The following SGSM1 variants were observed in gnomAD, a reference collection of about 807,000 sequenced individuals.
SGSM1 encodes small G protein signaling modulator 1, also known as RUN and TBC1 domain containing 2.
Under a neutral mutation model 133.8 loss-of-function variants are expected in SGSM1, and 73 were observed. That is an observed-to-expected ratio of 0.55 (90% CI 0.45 to 0.66). The LOEUF is 0.66. Ranked by LOEUF, SGSM1 falls within the 30% of genes least tolerant of loss-of-function variation. SGSM1 has a pLI of 0.00. For missense variants in SGSM1, 1,213 were observed against 1,448.1 expected (o/e 0.84, Z 2.64); for synonymous variants, 563 against 573.0 (o/e 0.98, Z 0.25).
chr22:24,884,033 T>TTCCC lies in SGSM1; in HGVS notation c.1496-9_1496-6dup, dbSNP rs770741165. ...GCTTCAGGTGGTGGATGATGACACTTTCCCTCCCTCCCTCAACAGGGCTGG... is the reference window on the plus strand; with the variant it reads ...GCTTCAGGTGGTGGATGATGACACTTTCCCTCCCTCCCTCCCTCAACAGGGCTGG... On this transcript the variant is annotated intron_variant, in intron 14 of 24. Transcript: ENST00000400358. The TTCCC allele has an allele frequency of 7.6e-6, 12 of 1,586,162 alleles. No homozygotes were observed. The African/African-American group carries it at 9.4e-5, about 12-fold the overall frequency.
chr22:24,816,417 C>CTTTTTTTTT (rs3062145), intron 2 of SGSM1, among the ~76,000 whole-genome samples: 23 of 130,096 alleles, frequency 1.8e-4, no homozygotes, highest in East Asian at 2.3e-4. Context: ...TTTTTTCTTT[C>CTTTTTTTTT]TTTTTTTTTT....
chr22:24,886,549 C>T (rs1204296163), intron 15 of SGSM1, 51 bp from the exon 16 acceptor site: 1 of 1,539,540 alleles, frequency 6.5e-7, no homozygotes, highest in Non-Finnish European at 8.8e-7. Flanking sequence ...ACTAAAACCA[C>T]CCCCTGGTTT....
At position 24,876,732 on chromosome 22, in the gene SGSM1, C is replaced by CTGCA; in HGVS notation, c.1430+18_1430+21dup. The CTGCA allele has an allele frequency of 6.2e-7, 1 of 1,613,844 alleles. No homozygotes were observed. Among genetic ancestry groups the CTGCA allele is most frequent in the Non-Finnish European group, 8.5e-7 (1 of 1,179,846 alleles). The stretch of plus-strand genomic sequence containing the variant: ...CCATGAGAGGTATGAGGGGCTTGAG[C>CTGCA]TGCAGATGGAGAGAGCTGAAGGATG... On this transcript the variant is annotated intron_variant, in intron 13 of 24. Transcript: ENST00000400358.
At chr22:24,921,172 T>G (rs948838205) in intron 24 of SGSM1, among the ~76,000 whole-genome samples, 4 of 152,038 alleles carry the variant, frequency 2.6e-5, no homozygotes, top group Non-Finnish European at 2.9e-5. Flanking sequence ...CGATCTCAGC[T>G]CACTGCAACC....
chr22:24,874,488 G>C (rs9624633), intron 12 of SGSM1: 188,857 of 1,613,164 alleles, frequency 0.12, 12,228 homozygotes, highest in South Asian at 0.24. Flanking sequence ...CTGCAGGCCG[G>C]TCCATGCTGG....
chr22:24,904,966 C>T (rs557196287), intron 20 of SGSM1, 139 bp from the exon 21 acceptor site: 42 of 735,012 alleles, frequency 5.7e-5, no homozygotes, highest in South Asian at 2.6e-4. Flanking sequence ...AGAGAGAGAT[C>T]GGGGATGGAG....
intron 14 of SGSM1, among the ~76,000 whole-genome samples, chr22:24,883,781 A>C (rs1233423634): frequency 1.3e-5 from 2 of 151,994 alleles, no homozygotes; most frequent in Non-Finnish European, 2.9e-5. Flanking sequence ...AGATGGTGAA[A>C]CCTCGTCTCT....
chr22:24,891,168 G>T, intron 16 of SGSM1, among the ~76,000 whole-genome samples: 1 of 152,148 alleles, frequency 6.6e-6, no homozygotes, highest in East Asian at 1.9e-4. Context: ...AGACCAGCCT[G>T]AGCAACATAG....
chr22:24,917,572 G>A (rs1017416860), intron 22 of SGSM1, 86 bp from the exon 23 acceptor site: 62 of 886,154 alleles, frequency 7.0e-5, no homozygotes, highest in Non-Finnish European at 1.1e-4. Context: ...GGTGTCTGGT[G>A]TGTGGATGTA....
At chr22:24,823,629 AT>A (rs1928617343) in intron 2 of SGSM1, among the ~76,000 whole-genome samples, 1 of 151,284 alleles carries the variant, frequency 6.6e-6, no homozygotes, top group Non-Finnish European at 1.5e-5. Flanking sequence ...AATAAAATGA[AT>A]TTAAAAAAAA....
intron 2 of SGSM1, among the ~76,000 whole-genome samples, chr22:24,824,794 G>T (rs528978089): frequency 6.6e-6 from 1 of 152,118 alleles, no homozygotes; most frequent in African/African-American, 2.4e-5. Flanking sequence ...ACGCTGTCAG[G>T]TCTGGTTTCT....
In SGSM1 at chr22:24,884,156, A is replaced by G. The variant is rs2123671861; in HGVS notation, c.1599A>G (p.Gly533=). The stretch of plus-strand genomic sequence containing the variant: ...ACTTGCCCTGCGATGCTGGACAGGG[A>G]CTGACAGCCAGGATCTGGGAGCAGT... The part of the protein sequence containing the change: ...SPDLPCDAGQ[G]LTARIWEQYL... Residue 533 remains glycine, a synonymous_variant, in exon 15 of 25, where the codon GGA becomes GGG. Coordinates refer to ENST00000400358, the MANE Select transcript of SGSM1 (RefSeq NM_001098497.3). The G allele has an allele frequency of 1.9e-6, 3 of 1,613,930 alleles. No homozygotes were observed. Among genetic ancestry groups the G allele is most frequent in the Non-Finnish European group, 2.5e-6 (3 of 1,179,856 alleles).
At chr22:24,822,249 C>T (rs865778869) in intron 2 of SGSM1, among the ~76,000 whole-genome samples, 2 of 151,930 alleles carry the variant, frequency 1.3e-5, no homozygotes, top group African/African-American at 4.8e-5. Context: ...CGCCACCACG[C>T]CCGGCCAATT....
chr22:24,862,590 A>C (rs1931216097), intron 9 of SGSM1, among the ~76,000 whole-genome samples: 1 of 152,208 alleles, frequency 6.6e-6, no homozygotes, highest in Non-Finnish European at 1.5e-5. Flanking sequence ...CAGGGAAGTC[A>C]GGACCTGGAT....
rs73157933 is a variant in SGSM1 at position 24,913,307 on chromosome 22, A to G, written c.2928+555A>G. On this transcript the variant is annotated intron_variant, in intron 22 of 24. Coordinates refer to ENST00000400358, the MANE Select transcript of SGSM1 (RefSeq NM_001098497.3). The stretch of plus-strand genomic sequence containing the variant: ...GACTCCATCTCAAAAAAAAAAAAAA[A>G]AAAGAAAGAAAAAAAGAAGTGCAAA... Among the ~76,000 whole-genome samples the G allele has an allele frequency of 6.8e-3, 976 of 142,638 alleles. 11 individuals carry two copies. The highest frequency in any genetic ancestry group is 0.01 in the Non-Finnish European group (682 of 65,344). The allele number at this position is 142,638 out of a possible 152,430, so 93.6% of individuals were successfully genotyped here.
chr22:24,832,085 GC>G (rs1285228177), intron 2 of SGSM1, among the ~76,000 whole-genome samples: 1 of 152,224 alleles, frequency 6.6e-6, no homozygotes, highest in East Asian at 1.9e-4. Context: ...CACTCCCTCA[GC>G]TGTCCAACAC....
intron 18 of SGSM1, among the ~76,000 whole-genome samples, chr22:24,895,631 A>C (rs1871918405): frequency 6.6e-6 from 1 of 152,138 alleles, no homozygotes; most frequent in Non-Finnish European, 1.5e-5. Flanking sequence ...GAAATATATA[A>C]TCTATAGCAA....
chr22:24,912,748 T>C lies in SGSM1; in HGVS notation c.2924T>C (p.Ile975Thr). 6.2e-7 allele frequency: 1 copy of C among 1,609,536 alleles called. No homozygotes were observed. The highest frequency in any genetic ancestry group is 8.5e-7 in the Non-Finnish European group (1 of 1,177,158). The change falls in exon 22 of 25, where the codon ATC (isoleucine) becomes ACC (threonine). Residue 975 changes from isoleucine to threonine, a missense_variant. Ile to Thr is a moderately conservative substitution (Grantham distance 89). Transcript: ENST00000400358. ...CACTTTGCAAACATGAGATCGTTGATCCAGGTATGACCCAGCATCCATTCT... is the reference window on the plus strand; with the variant it reads ...CACTTTGCAAACATGAGATCGTTGACCCAGGTATGACCCAGCATCCATTCT... The part of the protein sequence containing the change: ...DTHFANMRSL[I>T]QILDSELFEL...
At chr22:24,871,807 C>T (rs1225095765) in intron 12 of SGSM1, among the ~76,000 whole-genome samples, 2 of 152,130 alleles carry the variant, frequency 1.3e-5, no homozygotes, top group Admixed American at 1.3e-4. Flanking sequence ...AAATGGCAAC[C>T]GCATCCTTGG....
Sources: gnomAD v4.1 joint callset for allele counts (sites outside exome capture counted in the v4.1 genomes callset) on GRCh38, gnomAD v4.1.1 for gene constraint, MANE v1.5 for transcripts, NCBI Gene and HGNC (gene_info 2026-07-23, HGNC 2026-07-21) for gene names.